The following MTA3 variants were observed in gnomAD, a reference collection of about 807,000 sequenced individuals.
The protein encoded by MTA3 is metastasis-associated protein MTA3.
In MTA3, 34 loss-of-function variants were observed where a neutral mutation model predicts 83.5. That is an observed-to-expected ratio of 0.41 (90% CI 0.31 to 0.54). The LOEUF (loss-of-function observed/expected upper bound fraction) is 0.54. Among genes scored for constraint, MTA3 ranks in the 20% least tolerant of loss-of-function variants. MTA3 has a pLI of 0.33. For synonymous variants in MTA3, 303 were observed against 252.7 expected, an observed-to-expected ratio of 1.20 and a Z score of -1.89; for missense variants, 761 against 726.4, an observed-to-expected ratio of 1.05 and a Z score of -0.55.
intron 2 of MTA3, among the ~76,000 whole-genome samples, chr2:42,517,493 A>G (rs1486851567): frequency 6.6e-6 from 1 of 150,792 alleles, no homozygotes; most frequent in East Asian, 2.0e-4. Context: ...GAATTGCTTC[A>G]ATCCGGGAGG....
intron 4 of MTA3, among the ~76,000 whole-genome samples, chr2:42,615,908 G>T (rs1206757236): frequency 6.6e-6 from 1 of 150,798 alleles, no homozygotes; most frequent in Non-Finnish European, 1.5e-5. Context: ...TTTTAGTAGA[G>T]ACAGGGTTTC....
At chr2:42,655,466 T>C (rs766968393) in intron 6 of MTA3, among the ~76,000 whole-genome samples, 1 of 152,238 alleles carries the variant, frequency 6.6e-6, no homozygotes, top group Non-Finnish European at 1.5e-5. Flanking sequence ...CATGATATTG[T>C]TTCTTACCTA....
intron 4 of MTA3, among the ~76,000 whole-genome samples, chr2:42,614,990 A>AC (rs1684684762): frequency 6.7e-6 from 1 of 150,158 alleles, no homozygotes; most frequent in African/African-American, 2.4e-5. Flanking sequence ...AAAAAAAAAA[A>AC]CAAAAAGCAG....
In MTA3 at chr2:42,755,750, G is replaced by A. The variant is rs1015966480; in HGVS notation, c.*2351G>A. On this transcript the variant is annotated 3_prime_UTR_variant, in exon 17 of 17. Coordinates refer to ENST00000405094, the MANE Select transcript of MTA3 (RefSeq NM_001330442.2). ...TTTCTGGGGCCATGGTGTCCCTGCT[G>A]TGTGTCAGTGGCATGTCACTGTGGT... The A allele has an allele frequency of 5.1e-6, 5 of 985,540 alleles. No homozygotes were observed. The highest frequency in any genetic ancestry group is 9.4e-5 in the South Asian group (2 of 21,292). 61.0% of individuals were successfully genotyped at this position (985,540 alleles called of 1,614,324 possible).
chr2:42,549,907 A>G (rs1264906680), intron 2 of MTA3, among the ~76,000 whole-genome samples: 1 of 151,144 alleles, frequency 6.6e-6, no homozygotes, highest in Non-Finnish European at 1.5e-5. Context: ...CAGTGTATCC[A>G]GGCTGTACCT....
At chr2:42,716,556 C>G (rs779074834) in intron 14 of MTA3, among the ~76,000 whole-genome samples, 3 of 152,268 alleles carry the variant, frequency 2.0e-5, no homozygotes. Flanking sequence ...CATTTAGCTC[C>G]GACTCATAAG....
At chr2:42,586,619 G>A (rs182580562) in intron 3 of MTA3, among the ~76,000 whole-genome samples, 13 of 135,072 alleles carry the variant, frequency 9.6e-5, no homozygotes, top group Middle Eastern at 3.8e-3. Flanking sequence ...CACACACATC[G>A]TTGGCTGGGC....
chr2:42,548,766 G>T (rs1676875975), intron 2 of MTA3, among the ~76,000 whole-genome samples: 1 of 127,472 alleles, frequency 7.8e-6, no homozygotes, highest in African/African-American at 3.2e-5. Context: ...TTGCCCCATG[G>T]CACTGCAGCC....
At chr2:42,679,663 A>G (rs781621097) in intron 8 of MTA3, among the ~76,000 whole-genome samples, 1 of 152,254 alleles carries the variant, frequency 6.6e-6, no homozygotes, top group South Asian at 2.1e-4. Context: ...AGCTGCCTAC[A>G]GGAAATATAA....
chr2:42,506,459 T>TTA lies in MTA3; in HGVS notation c.-141+11217_-141+11218dup, dbSNP rs1036192396. ...ACAGAGTGAGACCTTGTCTCAAATA[T>TTA]TATATATATATATTTTTTGAGTAAA... is the stretch of plus-strand genomic sequence containing the variant. On this transcript the variant is annotated intron_variant, in intron 2 of 17. Transcript: ENST00000405592. Among the ~76,000 whole-genome samples the TTA allele has an allele frequency of 8.6e-5, 13 of 151,288 alleles. No homozygotes were observed. The South Asian group carries it at 1.5e-3, about 17-fold the overall frequency.
chr2:42,638,564 A>G (rs967552022), intron 4 of MTA3, among the ~76,000 whole-genome samples: 1 of 151,438 alleles, frequency 6.6e-6, no homozygotes, highest in Non-Finnish European at 1.5e-5. Flanking sequence ...TAGAGTTGAG[A>G]TCTTGCTGTG....
intron 9 of MTA3, among the ~76,000 whole-genome samples, chr2:42,690,590 A>C (rs962599199): frequency 7.1e-6 from 1 of 140,106 alleles, no homozygotes; most frequent in Non-Finnish European, 1.6e-5. Context: ...CTTTTTAAAC[A>C]TTTTTTTCTT....
chr2:42,618,177 G>T (rs1412331868), intron 4 of MTA3, among the ~76,000 whole-genome samples: 1 of 151,904 alleles, frequency 6.6e-6, no homozygotes, highest in African/African-American at 2.4e-5. Context: ...TGAACACTTG[G>T]CCTCATGTAA....
At chr2:42,705,053 C>A (rs540970878) in intron 12 of MTA3, among the ~76,000 whole-genome samples, 1 of 152,202 alleles carries the variant, frequency 6.6e-6, no homozygotes, top group South Asian at 2.1e-4. Context: ...ACTTGGTGCC[C>A]CATTTTGGGT....
chr2:42,538,994 T>C (rs1228892155), intron 2 of MTA3, among the ~76,000 whole-genome samples: 1 of 151,334 alleles, frequency 6.6e-6, no homozygotes, highest in Non-Finnish European at 1.5e-5. Context: ...CAGGATGGTC[T>C]CGATCTCCTG....
rs1303209987 is a variant in MTA3 at position 42,682,561 on chromosome 2, A to G, written c.863A>G (p.Lys288Arg). The change falls in exon 9 of 17, where the codon AAA becomes AGA. Residue 288 changes from lysine (K) to arginine (R), a missense_variant. Coordinates refer to ENST00000405094, the MANE Select transcript of MTA3 (RefSeq NM_001330442.2). The part of the protein sequence containing the change: ...LFEEALEKYG[K>R]DFNDIRQDFL... The stretch of plus-strand genomic sequence containing the variant: ...GAAGAGGCACTGGAAAAATATGGCA[A>G]AGACTTCAATGACATACGGCAAGAT... The G allele has an allele frequency of 8.1e-6, 13 of 1,612,154 alleles. No homozygotes were observed. The highest frequency in any genetic ancestry group is 1.1e-5 in the Non-Finnish European group (13 of 1,179,210).
intron 4 of MTA3, among the ~76,000 whole-genome samples, chr2:42,626,688 A>G (rs1686134288): frequency 6.6e-6 from 1 of 152,192 alleles, no homozygotes; most frequent in Non-Finnish European, 1.5e-5. Context: ...AAAATTCTTC[A>G]GGACTATCCT....
intron 16 of MTA3, among the ~76,000 whole-genome samples, chr2:42,727,424 T>C (rs1667906694): frequency 6.6e-6 from 1 of 152,196 alleles, no homozygotes; most frequent in Non-Finnish European, 1.5e-5. Context: ...GTGGACATTT[T>C]TACTGCTAGC....
In MTA3 at chr2:42,725,835, G is replaced by C. The variant is rs572986901; in HGVS notation, c.1759+2800G>C. Among the ~76,000 whole-genome samples the C allele has an allele frequency of 6.6e-5, 10 of 152,316 alleles. No individual in the cohort carries two copies. In the East Asian group the frequency reaches 1.9e-3, roughly 29 times the overall value. On this transcript the variant is annotated intron_variant, in intron 16 of 16. Transcript: ENST00000405094. ...TGTGACACAGAGCCAGACAGCAAAG[G>C]GGAAGTGTGCTTGTAGAGTCCCACC... is the stretch of plus-strand genomic sequence containing the variant.
Sources: gnomAD v4.1 joint callset for allele counts (sites outside exome capture counted in the v4.1 genomes callset) on GRCh38, gnomAD v4.1.1 for gene constraint, MANE v1.5 for transcripts, NCBI Gene and HGNC (gene_info 2026-07-23, HGNC 2026-07-21) for gene names.